Variants in ST7L observed in about 807,000 individuals in gnomAD.
ST7L encodes the protein suppressor of tumorigenicity 7 protein-like.
A neutral mutation model predicts 72.5 loss-of-function variants in ST7L; 57 were observed. That is an observed-to-expected ratio of 0.79 (90% CI 0.64 to 0.98). The LOEUF is 0.98. ST7L is among the 50% of genes least tolerant of loss of function. The pLI, the probability that ST7L is intolerant of heterozygous loss-of-function variation, is 0.00. For synonymous variants in ST7L, 221 were observed against 240.9 expected, an observed-to-expected ratio of 0.92 and a Z score of 0.77; for missense variants, 576 against 672.2, an observed-to-expected ratio of 0.86 and a Z score of 1.58.
At chr1:112,595,198 T>A (rs1666272105) in intron 5 of ST7L, among the ~76,000 whole-genome samples, 1 of 151,602 alleles carries the variant, frequency 6.6e-6, no homozygotes, top group African/African-American at 2.4e-5. Flanking sequence ...AAACCCTGTC[T>A]CTACTAAAAA....
chr1:112,541,685 C>T, intron 14 of ST7L: 1 of 757,096 alleles, frequency 1.3e-6, no homozygotes, highest in Non-Finnish European at 1.8e-6. Flanking sequence ...CTGTTTATCA[C>T]CAAAAGTGAT....
chr1:112,539,641 G>A (rs1281449703), intron 14 of ST7L: 10 of 923,308 alleles, frequency 1.1e-5, no homozygotes, highest in Non-Finnish European at 1.3e-5. Flanking sequence ...GGGTGACAGA[G>A]CGAGACTCTG....
chr1:112,571,072 A>C (rs1235656213), intron 11 of ST7L, among the ~76,000 whole-genome samples: 1 of 152,150 alleles, frequency 6.6e-6, no homozygotes, highest in Non-Finnish European at 1.5e-5. Context: ...TAGGAGGCTG[A>C]GGCAGGAGAA....
intron 10 of ST7L, 22 bp downstream of exon 10, chr1:112,578,323 T>C (rs1663476479): frequency 1.2e-6 from 2 of 1,603,002 alleles, no homozygotes; most frequent in Non-Finnish European, 1.7e-6. Context: ...TTCCAAATCA[T>C]TGTAGTTTTT....
intron 14 of ST7L, among the ~76,000 whole-genome samples, chr1:112,536,399 T>C (rs1032349287): frequency 1.3e-5 from 2 of 152,132 alleles, no homozygotes; most frequent in Non-Finnish European, 2.9e-5. Context: ...ATAGTTATAA[T>C]TGTTTATTAA....
intron 6 of ST7L, among the ~76,000 whole-genome samples, chr1:112,587,871 A>G (rs1665097581): frequency 6.6e-6 from 1 of 152,218 alleles, no homozygotes; most frequent in Admixed American, 6.5e-5. Flanking sequence ...AAATTTTTAT[A>G]GGGATTGCAC....
At position 112,556,966 on chromosome 1, in the gene ST7L, C is replaced by CAAA. The variant is rs60106072; in HGVS notation, c.1246-951_1246-949dup. On this transcript the variant is annotated intron_variant, in intron 11 of 14. Coordinates refer to ENST00000358039, the MANE Select transcript of ST7L (RefSeq NM_017744.5). ...CTGGCGACAGAGCGAGACTCTGTCTCAAAAAAAAAAAAAAAAAACAAAAAA... is the reference window on the plus strand; with the variant it reads ...CTGGCGACAGAGCGAGACTCTGTCTCAAAAAAAAAAAAAAAAAAAAACAAAAAA... 1.5e-3 allele frequency among the ~76,000 whole-genome samples: 75 copies of CAAA among 49,424 alleles called. 1 individual carries two copies. Among genetic ancestry groups the CAAA allele is most frequent in the Non-Finnish European group, 1.9e-3 (47 of 24,166 alleles). 32.4% of individuals were successfully genotyped at this position (49,424 alleles called of 152,430 possible).
At chr1:112,520,596 C>T (rs1652820387), downstream of ST7L, 4 of 1,332,334 alleles carry the variant, frequency 3.0e-6, no homozygotes, top group Admixed American at 6.0e-5. Context: ...CCTCCACCCT[C>T]CACCCTGGGC....
intron 3 of ST7L, among the ~76,000 whole-genome samples, chr1:112,606,194 T>C (rs1002269093): frequency 6.6e-6 from 1 of 152,200 alleles, no homozygotes; most frequent in African/African-American, 2.4e-5. Flanking sequence ...AGTTTTCTCA[T>C]GTATTTTATA....
chr1:112,546,846 CTT>C (rs1657160227), intron 13 of ST7L, among the ~76,000 whole-genome samples: 1 of 151,670 alleles, frequency 6.6e-6, no homozygotes, highest in East Asian at 1.9e-4. Context: ...ATATACATAA[CTT>C]AAAAATATAT....
chr1:112,619,056 CAG>C lies in ST7L; in HGVS notation c.56_57del (p.Ser19CysfsTer45), dbSNP rs1400023094. 2 of 1,613,830 alleles carry C rather than the reference CAG, an allele frequency of 1.2e-6. No homozygotes were observed. Among genetic ancestry groups the C allele is most frequent in the Non-Finnish European group, 1.7e-6 (2 of 1,180,018 alleles). On this transcript the variant is annotated frameshift_variant, in exon 1 of 15. Transcript: ENST00000358039. LOFTEE classifies it high-confidence loss of function. ...CCTAGCGTCGGGTTTAGGCCAGGGA[CAG>C]ATGCAGGAGACGCTCCAACAGCTGC... Reference protein sequence around the residue: ...EAAAVGASPASVPGLNPTLGW... With the variant: ...EAAAVGASPAXVPGLNPTLGW...
chr1:112,538,981 T>G lies in ST7L; in HGVS notation c.1629+2970A>C, dbSNP rs1043842430. On this transcript the variant is annotated intron_variant, in intron 14 of 14. Coordinates refer to ENST00000358039, the MANE Select transcript of ST7L (RefSeq NM_017744.5). ...CTAACCCGAGGTTGTACAGCATTGT[T>G]TCAGGGCTAGAATTCAAAGCAAAGC... 3.3e-5 allele frequency among the ~76,000 whole-genome samples: 5 copies of G among 152,188 alleles called. No individual in the cohort carries two copies. The East Asian group carries it at 9.6e-4, about 29-fold the overall frequency.
At chr1:112,611,969 C>CAAAAAA (rs146893029) in intron 2 of ST7L, among the ~76,000 whole-genome samples, 2 of 71,562 alleles carry the variant, frequency 2.8e-5, no homozygotes, top group Non-Finnish European at 2.6e-5. Context: ...GACCCTGTCT[C>CAAAAAA]AAAAAAAAAA....
At chr1:112,587,826 G>A (rs568086786) in intron 6 of ST7L, among the ~76,000 whole-genome samples, 7 of 152,202 alleles carry the variant, frequency 4.6e-5, no homozygotes, top group Admixed American at 4.6e-4. Flanking sequence ...TGAATTATAG[G>A]ATCGCCTTGT....
At chr1:112,573,348 CAA>C (rs35107656) in intron 11 of ST7L, among the ~76,000 whole-genome samples, 1,250 of 69,654 alleles carry the variant, frequency 0.018, 7 homozygotes, top group African/African-American at 0.063. Context: ...AACTCCCTCT[CAA>C]AAAAAAAAAA....
chr1:112,577,062 C>T lies in ST7L; in HGVS notation c.1169G>A (p.Arg390Lys). 1 of 1,600,934 alleles carries T rather than the reference C, an allele frequency of 6.2e-7. No individual in the cohort carries two copies. Among genetic ancestry groups the T allele is most frequent in the South Asian group, 1.1e-5 (1 of 88,214 alleles). Residue 390 changes from arginine (R) to lysine (K), a missense_variant, in exon 11 of 15, where the codon AGA (arginine) becomes AAA (lysine). Physicochemically the swap from Arg to Lys is conservative, Grantham distance 26. Transcript: ENST00000358039. ...ATTAATTTCTGCTGTGCTTAATCCT[C>T]TTCTGGAGGCTGTTTCTGGAGAGAA... ...EKFSPETASR[R>K]GLSTAEINAV... is the part of the protein sequence containing the mutation.
intron 4 of ST7L, among the ~76,000 whole-genome samples, chr1:112,599,073 A>AATATATAT (rs71084479): frequency 4.2e-4 from 24 of 56,912 alleles, no homozygotes; most frequent in East Asian, 1.9e-3. Context: ...AAAAAAAAAA[A>AATATATAT]ATATATATAT....
intron 13 of ST7L, among the ~76,000 whole-genome samples, chr1:112,543,737 C>T (rs1656583388): frequency 6.6e-6 from 1 of 151,736 alleles, no homozygotes; most frequent in South Asian, 2.1e-4. Context: ...GGCATGGTGA[C>T]GTGCACCTAT....
rs1363219578 is a variant in ST7L, at chr1:112,550,668, T to C, written c.1422A>G (p.Leu474=). Residue 474 remains leucine, a synonymous_variant, in exon 13 of 15, where the codon TTA becomes TTG. Transcript: ENST00000358039. ...AAGGGTAAAATAGATGTCCTTTCTC[T>C]AACGGGTATGGAATCATTCTAAAAG... The part of the protein sequence containing the change: ...EGTFRMIPYP[L]EKGHLFYPYP... 6.2e-7 allele frequency: 1 copy of C among 1,613,452 alleles called. No homozygotes were observed. The highest frequency in any genetic ancestry group is 1.1e-5 in the South Asian group (1 of 91,004).
Sources: gnomAD v4.1 joint callset for allele counts (sites outside exome capture counted in the v4.1 genomes callset) on GRCh38, gnomAD v4.1.1 for gene constraint, MANE v1.5 for transcripts, NCBI Gene and HGNC (gene_info 2026-07-23, HGNC 2026-07-21) for gene names.